The following SLC25A21 variants were observed in gnomAD, a reference collection of about 807,000 sequenced individuals.
The protein encoded by SLC25A21 is mitochondrial 2-oxodicarboxylate carrier.
SLC25A21 carries 47 observed loss-of-function variants against 43.8 expected under a neutral mutation model. That is an observed-to-expected ratio of 1.07 (90% CI 0.85 to 1.37). SLC25A21 has a LOEUF of 1.37. SLC25A21 is among the 40% of genes most tolerant of loss of function. SLC25A21 has a pLI of 0.00. For missense variants in SLC25A21, 352 were observed against 350.2 expected (o/e 1.00, Z -0.04); for synonymous variants, 131 against 121.3 (o/e 1.08, Z -0.52).
intron 1 of SLC25A21, among the ~76,000 whole-genome samples, chr14:36,912,137 C>T (rs1391052908): frequency 2.0e-5 from 3 of 152,090 alleles, no homozygotes; most frequent in African/African-American, 7.2e-5. Flanking sequence ...CTATCCATTG[C>T]CAAGAAAAGT....
intron 7 of SLC25A21, among the ~76,000 whole-genome samples, chr14:36,691,065 T>C (rs1233222135): frequency 1.3e-5 from 2 of 152,212 alleles, no homozygotes; most frequent in East Asian, 3.8e-4. Context: ...ACCTGAGCCA[T>C]ACAGAAATTT....
intron 1 of SLC25A21, among the ~76,000 whole-genome samples, chr14:36,933,352 G>T: frequency 6.6e-6 from 1 of 152,056 alleles, no homozygotes; most frequent in Middle Eastern, 3.2e-3. Context: ...TGGGGATCAT[G>T]CATCCCCTGA....
intron 1 of SLC25A21, among the ~76,000 whole-genome samples, chr14:36,929,861 T>C (rs1318279254): frequency 6.6e-6 from 1 of 152,120 alleles, no homozygotes; most frequent in African/African-American, 2.4e-5. Flanking sequence ...GTGGTGACTG[T>C]TTTGATGAAT....
At chr14:36,760,089 G>A (rs1363319351) in intron 3 of SLC25A21, among the ~76,000 whole-genome samples, 1 of 152,166 alleles carries the variant, frequency 6.6e-6, no homozygotes, top group Non-Finnish European at 1.5e-5. Context: ...AGTGAGGGAA[G>A]AAGCTGGCTG....
chr14:36,721,086 G>A (rs1385664422), intron 6 of SLC25A21, among the ~76,000 whole-genome samples: 5 of 152,202 alleles, frequency 3.3e-5, no homozygotes, highest in African/African-American at 1.2e-4. Context: ...TTACGCATTT[G>A]TAAGATCACC....
intron 1 of SLC25A21, among the ~76,000 whole-genome samples, chr14:36,884,698 C>T (rs766082320): frequency 2.0e-4 from 30 of 152,018 alleles, no homozygotes; most frequent in African/African-American, 5.1e-4. Flanking sequence ...TATCTCATTG[C>T]GGTTTTAATT....
intron 1 of SLC25A21, among the ~76,000 whole-genome samples, chr14:37,129,893 G>C (rs1963363431): frequency 6.6e-6 from 1 of 151,740 alleles, no homozygotes; most frequent in Non-Finnish European, 1.5e-5. Flanking sequence ...CTGAATTGAA[G>C]TCTCCAAATT....
At chr14:36,861,138 C>T (rs967312655) in intron 2 of SLC25A21, among the ~76,000 whole-genome samples, 1 of 152,148 alleles carries the variant, frequency 6.6e-6, no homozygotes, top group Non-Finnish European at 1.5e-5. Context: ...CTATTTTAGC[C>T]ACCTCAACAA....
At chr14:36,800,279 T>C (rs879284416) in intron 3 of SLC25A21, among the ~76,000 whole-genome samples, 6 of 152,152 alleles carry the variant, frequency 3.9e-5, no homozygotes, top group Non-Finnish European at 5.9e-5. Context: ...CCAGTGTTCA[T>C]AGCAGCATTA....
intron 1 of SLC25A21, among the ~76,000 whole-genome samples, chr14:37,068,913 G>A (rs1482477309): frequency 2.0e-5 from 3 of 152,100 alleles, no homozygotes; most frequent in Non-Finnish European, 2.9e-5. Context: ...GGTGGCTCAC[G>A]CCTGTAATCC....
intron 3 of SLC25A21, among the ~76,000 whole-genome samples, chr14:36,766,044 G>A (rs848109): frequency 0.16 from 24,401 of 149,418 alleles, 2,233 homozygotes; most frequent in Middle Eastern, 0.26. Flanking sequence ...TTTTTTTTGA[G>A]TGAAATATCA....
At chr14:37,061,377 C>T in intron 1 of SLC25A21, among the ~76,000 whole-genome samples, 1 of 152,204 alleles carries the variant, frequency 6.6e-6, no homozygotes, top group Admixed American at 6.5e-5. Flanking sequence ...TGTAATGACT[C>T]TACCTTGTCT....
intron 2 of SLC25A21, among the ~76,000 whole-genome samples, chr14:36,823,027 T>A (rs1888691700): frequency 6.6e-6 from 1 of 152,230 alleles, no homozygotes; most frequent in Admixed American, 6.5e-5. Context: ...GTATTTAGAA[T>A]CTATGTAAAA....
chr14:36,894,579 G>A (rs1218525406), intron 1 of SLC25A21, among the ~76,000 whole-genome samples: 1 of 150,834 alleles, frequency 6.6e-6, no homozygotes, highest in African/African-American at 2.4e-5. Flanking sequence ...ACACTATGTT[G>A]AATAGGAGTG....
intron 1 of SLC25A21, among the ~76,000 whole-genome samples, chr14:37,130,950 C>G (rs1330030766): frequency 6.6e-6 from 1 of 152,198 alleles, no homozygotes; most frequent in East Asian, 1.9e-4. Flanking sequence ...TAGAGGGGAT[C>G]TGGCCACTAC....
chr14:36,924,811 A>G (rs1207119593), intron 1 of SLC25A21, among the ~76,000 whole-genome samples: 1 of 152,218 alleles, frequency 6.6e-6, no homozygotes, highest in African/African-American at 2.4e-5. Context: ...TGTTTTAGGT[A>G]GTATAAGTAA....
intron 1 of SLC25A21, among the ~76,000 whole-genome samples, chr14:37,039,394 T>C (rs1961396298): frequency 6.6e-6 from 1 of 152,200 alleles, no homozygotes; most frequent in South Asian, 2.1e-4. Context: ...CCCCAAAATG[T>C]ATTCATTCCC....
chr14:36,949,014 G>T (rs1892740547), intron 1 of SLC25A21, among the ~76,000 whole-genome samples: 2 of 152,262 alleles, frequency 1.3e-5, no homozygotes, highest in South Asian at 4.1e-4. Flanking sequence ...AAATCATCTT[G>T]CCCAGTCTGT....
At chr14:36,817,250 T>C (rs928652841) in intron 2 of SLC25A21, among the ~76,000 whole-genome samples, 2 of 151,836 alleles carry the variant, frequency 1.3e-5, no homozygotes, top group Non-Finnish European at 2.9e-5. Context: ...ATATGCAAAA[T>C]GTGAAGTAGC....
Sources: allele counts gnomAD v4.1 joint callset (sites outside exome capture counted in the v4.1 genomes callset), GRCh38; gene constraint gnomAD v4.1.1; transcripts MANE v1.5; gene names NCBI Gene and HGNC (gene_info 2026-07-23, HGNC 2026-07-21).